RORA: variants seen among roughly 807,000 people sequenced by gnomAD.
RORA encodes the protein RAR related orphan receptor A, also known as nuclear receptor ROR-alpha.
Under a neutral mutation model 69.5 loss-of-function variants are expected in RORA, and 7 were observed. The ratio of observed to expected loss-of-function variants is 0.10; its 90% CI spans 0.06 to 0.19. RORA has a LOEUF of 0.19. RORA is among the 10% of genes least tolerant of loss of function. RORA has a pLI of 1.00. For missense variants in RORA, 457 were observed against 663.0 expected, an observed-to-expected ratio of 0.69 and a Z score of 3.41; for synonymous variants, 261 against 240.8, an observed-to-expected ratio of 1.08 and a Z score of -0.78.
At chr15:60,853,861 T>C (rs2073351466) in intron 1 of RORA, among the ~76,000 whole-genome samples, 2 of 152,374 alleles carry the variant, frequency 1.3e-5, no homozygotes, top group Non-Finnish European at 2.9e-5. Context: ...ATCCTTGTAC[T>C]GTAATTCCGC....
At chr15:60,921,381 A>G (rs1004730574) in intron 1 of RORA, among the ~76,000 whole-genome samples, 35 of 152,244 alleles carry the variant, frequency 2.3e-4, no homozygotes, top group African/African-American at 8.2e-4. Context: ...ATCAACATGG[A>G]CAAATTCTAT....
chr15:60,927,604 C>A (rs1892254638), intron 1 of RORA, among the ~76,000 whole-genome samples: 1 of 152,048 alleles, frequency 6.6e-6, no homozygotes, highest in Non-Finnish European at 1.5e-5. Flanking sequence ...GAAACCCCAT[C>A]TCTACTAAAA....
intron 2 of RORA, among the ~76,000 whole-genome samples, chr15:60,664,989 A>C (rs1275142331): frequency 6.6e-6 from 1 of 152,228 alleles, no homozygotes. Flanking sequence ...GGTTGTGTGC[A>C]GCCACTGATG....
chr15:61,119,391 A>G (rs751977868), intron 1 of RORA, among the ~76,000 whole-genome samples: 19 of 3,922 alleles, frequency 4.8e-3, no homozygotes, highest in Non-Finnish European at 0.019. Flanking sequence ...TTGTATATGT[A>G]TATATATATA....
intron 1 of RORA, among the ~76,000 whole-genome samples, chr15:61,020,931 C>T (rs369829645): frequency 5.2e-4 from 79 of 152,336 alleles, no homozygotes; most frequent in African/African-American, 1.9e-3. Context: ...GTATCAGAAA[C>T]TCAACTGACA....
At chr15:60,568,161 TC>T (rs1273839478) in intron 2 of RORA, among the ~76,000 whole-genome samples, 1 of 152,188 alleles carries the variant, frequency 6.6e-6, no homozygotes, top group African/African-American at 2.4e-5. Flanking sequence ...GAAAATAAGC[TC>T]TGGATAGGAC....
Position 60,501,081 on chromosome 15 carries a change from A to T in RORA, c.1184-12T>A, listed in dbSNP as rs200138740. Reference sequence around the variant, plus strand: ...AAAGTCTTCACAACCTGCCAAAATGAAAACAAAGACAGTTTAGAATTTTGA... The same window carrying T: ...AAAGTCTTCACAACCTGCCAAAATGTAAACAAAGACAGTTTAGAATTTTGA... On this transcript the variant is annotated splice_polypyrimidine_tract_variant and intron_variant, in intron 8 of 10. Transcript: ENST00000335670. The T allele has an allele frequency of 2.1e-6, 3 of 1,453,004 alleles. No homozygotes were observed. The South Asian group carries it at 3.5e-5, about 17-fold the overall frequency. The allele number at this position is 1,453,004 out of a possible 1,614,324, so 90.0% of individuals were successfully genotyped here.
chr15:61,102,171 G>C (rs1003491623), intron 1 of RORA, among the ~76,000 whole-genome samples: 1 of 152,164 alleles, frequency 6.6e-6, no homozygotes, highest in African/African-American at 2.4e-5. Flanking sequence ...ATGCTTGAGA[G>C]AATCTGTGCT....
chr15:60,831,521 G>T (rs185587770), intron 1 of RORA, among the ~76,000 whole-genome samples: 4 of 152,240 alleles, frequency 2.6e-5, no homozygotes, highest in Non-Finnish European at 5.9e-5. Context: ...TCTGAGGCAG[G>T]TCCTTACATT....
At chr15:60,890,210 T>C (rs1231757814) in intron 1 of RORA, among the ~76,000 whole-genome samples, 2 of 152,256 alleles carry the variant, frequency 1.3e-5, no homozygotes, top group African/African-American at 4.8e-5. Flanking sequence ...GTTCATTTAT[T>C]CTAACCCCCT....
intron 1 of RORA, among the ~76,000 whole-genome samples, chr15:60,909,838 A>C (rs1311937660): frequency 6.6e-6 from 1 of 152,198 alleles, no homozygotes; most frequent in African/African-American, 2.4e-5. Context: ...CCTATTTTTT[A>C]CAAGGTGGTC....
At chr15:60,596,261 T>C (rs1194872248) in intron 2 of RORA, among the ~76,000 whole-genome samples, 1 of 152,132 alleles carries the variant, frequency 6.6e-6, no homozygotes, top group African/African-American at 2.4e-5. Context: ...TGCTGATGCA[T>C]GTGAGGCACA....
intron 1 of RORA, among the ~76,000 whole-genome samples, chr15:61,134,613 T>A (rs1173692213): frequency 1.3e-5 from 2 of 152,160 alleles, no homozygotes; most frequent in African/African-American, 4.8e-5. Flanking sequence ...AATACAAAAC[T>A]ATGCAATGGT....
intron 1 of RORA, among the ~76,000 whole-genome samples, chr15:61,110,830 T>A (rs1293484396): frequency 6.6e-6 from 1 of 152,242 alleles, no homozygotes; most frequent in African/African-American, 2.4e-5. Context: ...GTCGTCCAAC[T>A]GGATCAGTAT....
chr15:60,513,348 G>T (rs1429753394), intron 4 of RORA, among the ~76,000 whole-genome samples: 1 of 152,186 alleles, frequency 6.6e-6, no homozygotes, highest in African/African-American at 2.4e-5. Flanking sequence ...CATACTGAAG[G>T]TGCTTAATTT....
At chr15:61,119,579 G>C (rs903004481) in intron 1 of RORA, among the ~76,000 whole-genome samples, 4 of 151,944 alleles carry the variant, frequency 2.6e-5, no homozygotes, top group Non-Finnish European at 4.4e-5. Flanking sequence ...AAAATGCTGG[G>C]ATTGCAGGCC....
At chr15:60,572,309 G>C (rs1286369272) in intron 2 of RORA, among the ~76,000 whole-genome samples, 1 of 152,162 alleles carries the variant, frequency 6.6e-6, no homozygotes, top group African/African-American at 2.4e-5. Context: ...TATGTTGGGG[G>C]AAAGAACCCC....
intron 1 of RORA, among the ~76,000 whole-genome samples, chr15:60,711,972 G>C (rs1022931041): frequency 1.3e-5 from 2 of 151,376 alleles, no homozygotes; most frequent in African/African-American, 2.4e-5. Context: ...TTCTGCAACA[G>C]TATAATAAAA....
chr15:60,624,816 A>T (rs960933052), intron 2 of RORA, among the ~76,000 whole-genome samples: 6 of 152,076 alleles, frequency 3.9e-5, no homozygotes, highest in African/African-American at 1.4e-4. Context: ...CAATGATTTA[A>T]TGCTGTCAAG....
Sources: gnomAD v4.1 joint callset for allele counts (sites outside exome capture counted in the v4.1 genomes callset) on GRCh38, gnomAD v4.1.1 for gene constraint, MANE v1.5 for transcripts, NCBI Gene and HGNC (gene_info 2026-07-23, HGNC 2026-07-21) for gene names.